SASH1: variants seen among roughly 807,000 people sequenced by gnomAD.
SASH1 encodes SAM and SH3 domain containing 1, also known as SAM and SH3 domain-containing protein 1.
In SASH1, 44 loss-of-function variants were observed where a neutral mutation model predicts 125.2. The ratio of observed to expected loss-of-function variants is 0.35; its 90% CI spans 0.28 to 0.45. SASH1 has a LOEUF of 0.45. Among genes scored for constraint, SASH1 ranks in the 20% least tolerant of loss-of-function variants. The probability of loss-of-function intolerance (pLI) is 1.00; values close to 1 mark genes in which losing one functional copy is unlikely to be tolerated. For synonymous variants in SASH1, 639 were observed against 649.1 expected, an observed-to-expected ratio of 0.98 and a Z score of 0.24; for missense variants, 1,426 against 1,614.5, an observed-to-expected ratio of 0.88 and a Z score of 2.00.
At chr6:148,446,443 A>G (rs1489576544) in intron 4 of SASH1, among the ~76,000 whole-genome samples, 5 of 152,094 alleles carry the variant, frequency 3.3e-5, no homozygotes, top group African/African-American at 9.7e-5. Context: ...GTGAATAGAC[A>G]TTGCGTAGGA....
the SASH1 span, among the ~76,000 whole-genome samples, chr6:148,216,533 G>C: frequency 6.6e-6 from 1 of 152,114 alleles, no homozygotes; most frequent in East Asian, 1.9e-4. Flanking sequence ...GCTGGAGTCA[G>C]GACATGTGGG....
chr6:148,405,624 C>T (rs1784343615), intron 2 of SASH1, among the ~76,000 whole-genome samples: 1 of 152,154 alleles, frequency 6.6e-6, no homozygotes, highest in Non-Finnish European at 1.5e-5. Flanking sequence ...TCTCCATCCA[C>T]CTAGAGCCCA....
At chr6:148,248,552 T>A in the SASH1 span, among the ~76,000 whole-genome samples, 1 of 152,226 alleles carries the variant, frequency 6.6e-6, no homozygotes, top group Non-Finnish European at 1.5e-5. Flanking sequence ...TTTTCTTGTA[T>A]CTTTATAAAG....
intron 2 of SASH1, among the ~76,000 whole-genome samples, chr6:148,425,151 T>C (rs565107298): frequency 6.6e-6 from 1 of 152,206 alleles, no homozygotes; most frequent in South Asian, 2.1e-4. Flanking sequence ...GGTGCAGTGG[T>C]CAGATGTGGT....
At position 148,468,538 on chromosome 6, in the gene SASH1, T is replaced by A; in HGVS notation, c.387-7T>A. 1 of 1,607,572 alleles carries A rather than the reference T, an allele frequency of 6.2e-7. No homozygotes were observed. The highest frequency in any genetic ancestry group is 8.5e-7 in the Non-Finnish European group (1 of 1,175,358). ...CTCTGGTAATCTGATTTGTTTTTCT[T>A]TTCTAGGAACCCTCTTCATAAATCA... is the stretch of plus-strand genomic sequence containing the variant. On this transcript the variant is annotated splice_region_variant and splice_polypyrimidine_tract_variant and intron_variant, in intron 4 of 19. Transcript: ENST00000367467.
chr6:148,383,450 C>T (rs1783234289), intron 1 of SASH1, among the ~76,000 whole-genome samples: 1 of 151,884 alleles, frequency 6.6e-6, no homozygotes, highest in African/African-American at 2.4e-5. Context: ...GGTAAAGAAA[C>T]AATAAAGGAG....
chr6:148,345,828 G>A (rs541616535), intron 1 of SASH1, among the ~76,000 whole-genome samples: 20 of 152,256 alleles, frequency 1.3e-4, no homozygotes, highest in African/African-American at 4.8e-4. Context: ...CCTGGTCGCT[G>A]GCCCCTCCAG....
intron 7 of SASH1, among the ~76,000 whole-genome samples, chr6:148,487,002 C>CTTATATATATGTTTTTATATATATATTTG (rs1583238776): frequency 7.6e-5 from 3 of 39,448 alleles, no homozygotes; most frequent in East Asian, 9.2e-4. Flanking sequence ...TATGTATTTG[C>CTTATATATATGTTTTTATATATATATTTG]TTATATATAT....
chr6:148,253,313 C>A, the SASH1 span, among the ~76,000 whole-genome samples: 3 of 152,268 alleles, frequency 2.0e-5, no homozygotes, highest in Admixed American at 6.5e-5. Flanking sequence ...CAAAACAATT[C>A]AACTGGGAAA....
intron 2 of SASH1, among the ~76,000 whole-genome samples, chr6:148,426,874 C>T (rs193126634): frequency 6.6e-6 from 1 of 152,170 alleles, no homozygotes; most frequent in South Asian, 2.1e-4. Context: ...GTGGCTCACA[C>T]GGGTAATCCC....
chr6:148,376,997 C>G (rs528156951), intron 1 of SASH1, among the ~76,000 whole-genome samples: 1 of 150,668 alleles, frequency 6.6e-6, no homozygotes, highest in Admixed American at 6.6e-5. Flanking sequence ...GGTGAAACCC[C>G]GTCTCTACTA....
intron 1 of SASH1, among the ~76,000 whole-genome samples, chr6:148,277,964 C>T (rs1779231836): frequency 6.6e-6 from 1 of 152,052 alleles, no homozygotes; most frequent in Non-Finnish European, 1.5e-5. Context: ...ATTCGCCTGC[C>T]TCACCCTCCC....
At chr6:148,374,715 G>T (rs13216845) in intron 1 of SASH1, among the ~76,000 whole-genome samples, 1 of 150,734 alleles carries the variant, frequency 6.6e-6, no homozygotes, top group African/African-American at 2.5e-5. Flanking sequence ...GGGGGGGGGG[G>T]AGATGGAGTC....
At chr6:148,223,924 T>C in the SASH1 span, among the ~76,000 whole-genome samples, 1 of 152,220 alleles carries the variant, frequency 6.6e-6, no homozygotes, top group Non-Finnish European at 1.5e-5. Flanking sequence ...CATATCTCTA[T>C]ATATGTATAA....
In SASH1 at chr6:148,343,138, C is replaced by T; in HGVS notation, c.71C>T (p.Ala24Val). ...EPEPEPEPEP[A>V]PEPEPEPKPG... ...GAGCCCGAGCCGGAGCCCGAGCCCG[C>T]GCCGGAGCCGGAACCGGAGCCCAAG... The change falls in exon 1 of 20, where the codon GCG becomes GTG. Residue 24 changes from alanine to valine, a missense_variant. Coordinates refer to ENST00000367467, the MANE Select transcript of SASH1 (RefSeq NM_015278.5). 2 of 1,579,890 alleles carry T rather than the reference C, an allele frequency of 1.3e-6. No individual in the cohort carries two copies. The highest frequency in any genetic ancestry group is 1.7e-5 in the Admixed American group (1 of 59,608).
chr6:148,514,572 G>T (rs1780337671), intron 9 of SASH1, 116 bp downstream of exon 9: 6 of 1,245,518 alleles, frequency 4.8e-6, no homozygotes, highest in Non-Finnish European at 6.4e-6. Context: ...AGTGGAAAAT[G>T]CATTGAGCTC....
intron 1 of SASH1, among the ~76,000 whole-genome samples, chr6:148,310,004 A>G (rs1195613094): frequency 6.6e-6 from 1 of 152,172 alleles, no homozygotes. Flanking sequence ...ATAAACAAGC[A>G]TAGTACAGGA....
intron 1 of SASH1, among the ~76,000 whole-genome samples, chr6:148,317,726 A>G (rs1307415455): frequency 6.6e-6 from 1 of 152,058 alleles, no homozygotes. Flanking sequence ...CGCCCGGCCA[A>G]GGAAAAAAAT....
chr6:148,241,937 G>A, the SASH1 span, among the ~76,000 whole-genome samples: 1 of 152,194 alleles, frequency 6.6e-6, no homozygotes, highest in Non-Finnish European at 1.5e-5. Flanking sequence ...TTAATAACCT[G>A]AGAATTGGGT....
Sources: gnomAD v4.1 joint callset for allele counts (sites outside exome capture counted in the v4.1 genomes callset) on GRCh38, gnomAD v4.1.1 for gene constraint, MANE v1.5 for transcripts, NCBI Gene and HGNC (gene_info 2026-07-23, HGNC 2026-07-21) for gene names.